Variants in SLC9A9 observed in about 807,000 individuals in gnomAD.
SLC9A9 encodes the protein sodium/hydrogen exchanger 9.
A neutral mutation model predicts 77.8 loss-of-function variants in SLC9A9; 62 were observed. That is an observed-to-expected ratio of 0.80 (90% CI 0.65 to 0.98). The LOEUF (loss-of-function observed/expected upper bound fraction) is 0.98. Among genes scored for constraint, SLC9A9 ranks in the 50% least tolerant of loss-of-function variants. SLC9A9 has a pLI of 0.00. For synonymous variants in SLC9A9, 320 were observed against 283.5 expected, an observed-to-expected ratio of 1.13 and a Z score of -1.29; for missense variants, 775 against 774.9, an observed-to-expected ratio of 1.00 and a Z score of 0.00.
intron 4 of SLC9A9, among the ~76,000 whole-genome samples, chr3:143,770,042 T>A (rs1363161075): frequency 6.6e-6 from 1 of 152,202 alleles, no homozygotes; most frequent in African/African-American, 2.4e-5. Flanking sequence ...TTATCATTCA[T>A]AATAAATTGC....
chr3:143,391,821 C>G (rs577080809), intron 12 of SLC9A9, among the ~76,000 whole-genome samples: 6 of 152,054 alleles, frequency 3.9e-5, no homozygotes, highest in African/African-American at 9.6e-5. Context: ...CTTCAGTAGC[C>G]GATTTGATCA....
In SLC9A9 at chr3:143,833,735, T is replaced by A. The variant is rs138309296; in HGVS notation, c.176-1514A>T. Among the ~76,000 whole-genome samples the A allele has an allele frequency of 9.2e-3, 1,396 of 152,330 alleles. 21 individuals are homozygous for A. The highest frequency in any genetic ancestry group is 0.032 in the African/African-American group (1,342 of 41,574). ...CTATGCTTCCTGATTGTCTTGCATC[T>A]GGCTGGTTCTTACCAGTGGAAGAAT... is the stretch of plus-strand genomic sequence containing the variant. On this transcript the variant is annotated intron_variant, in intron 1 of 15. Transcript: ENST00000316549.
intron 14 of SLC9A9, among the ~76,000 whole-genome samples, chr3:143,275,682 T>A (rs1225611401): frequency 2.6e-5 from 4 of 152,212 alleles, no homozygotes; most frequent in African/African-American, 9.6e-5. Context: ...TTTCTAATTC[T>A]TTCATGTCTT....
chr3:143,394,732 CT>C (rs1203061779), intron 12 of SLC9A9, among the ~76,000 whole-genome samples: 2 of 152,210 alleles, frequency 1.3e-5, no homozygotes, highest in East Asian at 3.8e-4. Flanking sequence ...TCTCCTTAAG[CT>C]GATAGGCAAC....
At chr3:143,470,575 T>C (rs2035361451) in intron 11 of SLC9A9, among the ~76,000 whole-genome samples, 1 of 152,132 alleles carries the variant, frequency 6.6e-6, no homozygotes, top group Non-Finnish European at 1.5e-5. Flanking sequence ...AGCAGCACCA[T>C]GGCAAAGTAC....
At chr3:143,428,669 T>C (rs917209915) in intron 12 of SLC9A9, among the ~76,000 whole-genome samples, 3 of 151,586 alleles carry the variant, frequency 2.0e-5, no homozygotes, top group South Asian at 2.1e-4. Flanking sequence ...AGTCAAGATA[T>C]GAAATCAACC....
chr3:143,767,292 A>G (rs780171657), intron 4 of SLC9A9, among the ~76,000 whole-genome samples: 36 of 150,940 alleles, frequency 2.4e-4, no homozygotes, highest in Admixed American at 2.2e-3. Flanking sequence ...GAGTAAATTT[A>G]TTTACCCCTT....
chr3:143,423,066 T>C lies in SLC9A9; in HGVS notation c.1470-40952A>G, dbSNP rs544573730. Among the ~76,000 whole-genome samples the C allele has an allele frequency of 1.7e-3, 253 of 152,218 alleles. 2 individuals are homozygous for C. Among genetic ancestry groups the C allele is most frequent in the Non-Finnish European group, 2.9e-3 (197 of 68,018 alleles). On this transcript the variant is annotated intron_variant, in intron 12 of 15. Transcript: ENST00000316549. The stretch of plus-strand genomic sequence containing the variant: ...GAACACAGGCTATTAGGTTTTTCAC[T>C]GCCAGAGAAGGGAGTTAAAAATATG...
At chr3:143,308,784 C>T (rs148500493) in intron 14 of SLC9A9, among the ~76,000 whole-genome samples, 3 of 152,200 alleles carry the variant, frequency 2.0e-5, no homozygotes, top group Non-Finnish European at 2.9e-5. Context: ...CCAGGGTAAA[C>T]GTTCAGTATA....
At chr3:143,528,106 A>G (rs912297735) in intron 9 of SLC9A9, among the ~76,000 whole-genome samples, 3 of 152,224 alleles carry the variant, frequency 2.0e-5, no homozygotes, top group Admixed American at 2.0e-4. Flanking sequence ...CAGGCTTTGC[A>G]GGAATGACAG....
chr3:143,406,978 GAAAAA>G (rs57344964), intron 12 of SLC9A9, among the ~76,000 whole-genome samples: 2 of 69,392 alleles, frequency 2.9e-5, no homozygotes, highest in Non-Finnish European at 5.5e-5. Flanking sequence ...TCCATCTCGA[GAAAAA>G]AAAAAAAAAA....
intron 9 of SLC9A9, among the ~76,000 whole-genome samples, chr3:143,549,376 C>T (rs1299319947): frequency 3.3e-5 from 5 of 151,904 alleles, no homozygotes; most frequent in African/African-American, 1.2e-4. Flanking sequence ...TGTACATAGG[C>T]TGTGTATGTA....
At chr3:143,349,570 C>G (rs749388019) in intron 14 of SLC9A9, among the ~76,000 whole-genome samples, 20 of 152,058 alleles carry the variant, frequency 1.3e-4, no homozygotes, top group Non-Finnish European at 1.9e-4. Flanking sequence ...TGTCACTGTC[C>G]CCATTTTACA....
At chr3:143,705,105 T>C (rs1259333611) in intron 4 of SLC9A9, among the ~76,000 whole-genome samples, 1 of 141,858 alleles carries the variant, frequency 7.0e-6, no homozygotes, top group Non-Finnish European at 1.6e-5. Context: ...TGGAGGTCTA[T>C]TCAGCCATAA....
intron 12 of SLC9A9, among the ~76,000 whole-genome samples, chr3:143,387,364 G>A (rs1335417373): frequency 2.0e-5 from 3 of 152,120 alleles, no homozygotes; most frequent in South Asian, 2.1e-4. Flanking sequence ...GGTGCATGCA[G>A]CCTTAGAAAA....
chr3:143,746,049 G>T (rs560958634), intron 4 of SLC9A9, among the ~76,000 whole-genome samples: 1 of 152,338 alleles, frequency 6.6e-6, no homozygotes. Flanking sequence ...GGAAAATGGC[G>T]AGCATAGGCC....
intron 4 of SLC9A9, among the ~76,000 whole-genome samples, chr3:143,710,201 C>G (rs888385562): frequency 6.6e-6 from 1 of 152,146 alleles, no homozygotes. Context: ...CACACACATA[C>G]ATGTACATAT....
intron 6 of SLC9A9, chr3:143,620,472 G>A (rs2038185466): frequency 6.6e-6 from 1 of 152,328 alleles, no homozygotes; most frequent in African/African-American, 2.4e-5. Context: ...GAGACCTGTG[G>A]TGGTGAGCTC....
At chr3:143,267,824 C>T (rs1937775125) in intron 15 of SLC9A9, among the ~76,000 whole-genome samples, 3 of 152,192 alleles carry the variant, frequency 2.0e-5, no homozygotes, top group Non-Finnish European at 4.4e-5. Context: ...ATTAAGATCC[C>T]AACTCTTCCT....
Sources: gnomAD v4.1 joint callset for allele counts (sites outside exome capture counted in the v4.1 genomes callset) on GRCh38, gnomAD v4.1.1 for gene constraint, MANE v1.5 for transcripts, NCBI Gene and HGNC (gene_info 2026-07-23, HGNC 2026-07-21) for gene names.